NOTCH2: variants seen among roughly 807,000 people sequenced by gnomAD.
The protein encoded by NOTCH2 is notch receptor 2.
NOTCH2 carries 29 observed loss-of-function variants against 235.8 expected under a neutral mutation model. That is an observed-to-expected ratio of 0.12 (90% CI 0.09 to 0.17). NOTCH2 has a LOEUF of 0.17. Among genes scored for constraint, NOTCH2 ranks in the 10% least tolerant of loss-of-function variants. The pLI is 1.00. For synonymous variants in NOTCH2, 1,086 were observed against 1,141.5 expected (o/e 0.95, Z 0.98); for missense variants, 2,285 against 3,150.2 (o/e 0.73, Z 6.57).
intron 14 of NOTCH2, among the ~76,000 whole-genome samples, chr1:119,951,744 G>A (rs1466982274): frequency 6.6e-6 from 1 of 152,206 alleles, no homozygotes; most frequent in Non-Finnish European, 1.5e-5. Flanking sequence ...GCCTGGCACA[G>A]AGCCTTAAAG....
chr1:119,953,968 G>A (rs1451210368), intron 13 of NOTCH2, among the ~76,000 whole-genome samples: 1 of 152,154 alleles, frequency 6.6e-6, no homozygotes, highest in African/African-American at 2.4e-5. Context: ...GGGCCACTCT[G>A]AAGGAAACAA....
chr1:119,919,281 T>C (rs1437440297), intron 31 of NOTCH2, 31 bp downstream of exon 31: 6 of 1,582,950 alleles, frequency 3.8e-6, no homozygotes, highest in African/African-American at 2.7e-5. Flanking sequence ...ATAGGAATTA[T>C]TATTCAAGTG....
intron 2 of NOTCH2, among the ~76,000 whole-genome samples, chr1:120,014,763 A>C (rs1553207621): frequency 8.7e-6 from 1 of 114,986 alleles, no homozygotes; most frequent in African/African-American, 3.4e-5. Context: ...AGGACAGAAA[A>C]ATTTGTTCTT....
At chr1:119,971,777 T>G (rs920904933) in intron 5 of NOTCH2, among the ~76,000 whole-genome samples, 1 of 152,212 alleles carries the variant, frequency 6.6e-6, no homozygotes, top group Admixed American at 6.5e-5. Flanking sequence ...ATGGTGGCAT[T>G]CAAGTTGTTG....
At chr1:119,982,996 C>G (rs587697109) in intron 5 of NOTCH2, among the ~76,000 whole-genome samples, 2 of 152,276 alleles carry the variant, frequency 1.3e-5, no homozygotes, top group African/African-American at 4.8e-5. Context: ...TGAAGTAATG[C>G]TGTCCAACTG....
At chr1:120,022,940 G>A (rs1553209308) in intron 2 of NOTCH2, among the ~76,000 whole-genome samples, 1 of 146,930 alleles carries the variant, frequency 6.8e-6, no homozygotes, top group Non-Finnish European at 1.5e-5. Context: ...CAGAGTGATG[G>A]GATCTTGAGT....
intron 2 of NOTCH2, among the ~76,000 whole-genome samples, chr1:120,010,885 T>G (rs1738676): frequency 6.6e-6 from 1 of 152,182 alleles, no homozygotes; most frequent in Admixed American, 6.5e-5. Context: ...GCCTATAAGC[T>G]GATGAACAGA....
At chr1:119,961,132 A>C (rs1650921469) in intron 11 of NOTCH2, among the ~76,000 whole-genome samples, 1 of 152,178 alleles carries the variant, frequency 6.6e-6, no homozygotes, top group Admixed American at 6.5e-5. Flanking sequence ...TGACCTGCAC[A>C]GTGCCACCAT....
In NOTCH2 at chr1:119,915,669, C is replaced by T; in HGVS notation, c.7053G>A (p.Val2351=). ...GGGGCATCATGGCAGTGGGGAAAGC[C>T]ACACTGGGCAAACGGGCCATTTCTG... is the stretch of plus-strand genomic sequence containing the variant. The part of the protein sequence containing the change: ...QIPEMARLPS[V]AFPTAMMPQQ... Residue 2351 remains valine (V), a synonymous_variant, in exon 34 of 34, where the codon GTG becomes GTA. Transcript: ENST00000256646. 1.2e-6 allele frequency: 2 copies of T among 1,613,646 alleles called. No individual in the cohort carries two copies. Among genetic ancestry groups the T allele is most frequent in the South Asian group, 2.2e-5 (2 of 91,016 alleles).
At chr1:120,063,548 G>A (rs1198397399) in intron 1 of NOTCH2, among the ~76,000 whole-genome samples, 4 of 152,184 alleles carry the variant, frequency 2.6e-5, no homozygotes, top group Non-Finnish European at 5.9e-5. Flanking sequence ...TTTCTTTTAA[G>A]ACAAAACAAC....
chr1:120,000,534 A>G (rs1351426919), intron 3 of NOTCH2, among the ~76,000 whole-genome samples: 4 of 139,596 alleles, frequency 2.9e-5, no homozygotes, highest in Non-Finnish European at 6.2e-5. Context: ...CTCCATCTCA[A>G]AAAAAAAAAA....
intron 17 of NOTCH2, 133 bp downstream of exon 17, chr1:119,948,281 G>T: frequency 2.2e-6 from 2 of 927,152 alleles, no homozygotes; most frequent in Non-Finnish European, 3.5e-6. Context: ...AAACACTACT[G>T]TTAAATATGC....
intron 22 of NOTCH2, 23 bp downstream of exon 22, chr1:119,935,449 A>G: frequency 6.2e-7 from 1 of 1,614,214 alleles, no homozygotes; most frequent in Non-Finnish European, 8.5e-7. Flanking sequence ...CTGGATGGAA[A>G]ATGGATAAGG....
At chr1:119,923,501 C>T (rs587600840) in intron 26 of NOTCH2, 136 bp downstream of exon 26, 105 of 789,552 alleles carry the variant, frequency 1.3e-4, no homozygotes, top group African/African-American at 1.1e-3. Context: ...ACTGGGGTAA[C>T]GGGTTTATCT....
chr1:119,919,252 G>A (rs1268347173), intron 31 of NOTCH2, 60 bp downstream of exon 31: 12 of 1,494,630 alleles, frequency 8.0e-6, no homozygotes, highest in Admixed American at 1.7e-5. Flanking sequence ...CTTTAAAAAC[G>A]ATAAAACATT....
intron 17 of NOTCH2, among the ~76,000 whole-genome samples, chr1:119,942,115 G>A (rs1251514742): frequency 6.6e-6 from 1 of 152,062 alleles, no homozygotes; most frequent in African/African-American, 2.4e-5. Flanking sequence ...TGTGGGGGAG[G>A]ACAAAATACA....
chr1:119,948,805 G>T (rs143351065), intron 16 of NOTCH2, among the ~76,000 whole-genome samples: 4 of 152,112 alleles, frequency 2.6e-5, no homozygotes, highest in Non-Finnish European at 5.9e-5. Flanking sequence ...CCTTCCAGCC[G>T]CTAGGGGGCC....
intron 10 of NOTCH2, 76 bp from the exon 11 acceptor site, chr1:119,963,883 T>C: frequency 8.2e-7 from 1 of 1,222,784 alleles, no homozygotes; most frequent in South Asian, 1.2e-5. Flanking sequence ...TGTAGCTACA[T>C]CCATTTACTC....
chr1:119,981,578 A>G (rs1181199393), intron 5 of NOTCH2, among the ~76,000 whole-genome samples: 4 of 152,094 alleles, frequency 2.6e-5, no homozygotes, highest in African/African-American at 4.8e-5. Context: ...TGAGTCATGG[A>G]CTGCAGGGCA....
Sources: allele counts gnomAD v4.1 joint callset (sites outside exome capture counted in the v4.1 genomes callset), GRCh38; gene constraint gnomAD v4.1.1; transcripts MANE v1.5; gene names NCBI Gene and HGNC (gene_info 2026-07-23, HGNC 2026-07-21).